The following RAD52 variants were observed in gnomAD, a reference collection of about 807,000 sequenced individuals.
RAD52 encodes the protein RAD52 DNA repair protein, also known as DNA repair protein RAD52 homolog.
A neutral mutation model predicts 55.5 loss-of-function variants in RAD52; 47 were observed. The ratio of observed to expected loss-of-function variants is 0.85; its 90% CI spans 0.67 to 1.08. RAD52 has a LOEUF of 1.08. Ranked by LOEUF, RAD52 falls within the 50% of genes least tolerant of loss-of-function variation. The pLI is 0.00. For synonymous variants in RAD52, 184 were observed against 198.9 expected, an observed-to-expected ratio of 0.92 and a Z score of 0.63; for missense variants, 468 against 522.8, an observed-to-expected ratio of 0.90 and a Z score of 1.02.
chr12:969,471 T>A (rs1299368851), intron 1 of RAD52, among the ~76,000 whole-genome samples: 4 of 151,982 alleles, frequency 2.6e-5, no homozygotes, highest in African/African-American at 9.7e-5. Flanking sequence ...ATTTATTACA[T>A]TTGACCATAG....
chr12:973,779 C>CTT (rs1401411600), intron 1 of RAD52, among the ~76,000 whole-genome samples: 4,358 of 136,478 alleles, frequency 0.032, 89 homozygotes, highest in Non-Finnish European at 0.046. Context: ...ACGCCCAGTC[C>CTT]TTCTTTTTTT....
At chr12:966,936 T>G (rs1390249555) in intron 1 of RAD52, among the ~76,000 whole-genome samples, 36 of 152,090 alleles carry the variant, frequency 2.4e-4, no homozygotes, top group Admixed American at 2.4e-3. Context: ...TTGGCTACAC[T>G]TCCTTATTTT....
chr12:954,004 C>A (rs1269265630), upstream of RAD52, among the ~76,000 whole-genome samples: 1 of 152,168 alleles, frequency 6.6e-6, no homozygotes, highest in African/African-American at 2.4e-5. Context: ...CCTGCCAATT[C>A]TTGACATCAT....
At chr12:940,934 A>G (rs1196616714) in intron 1 of RAD52, among the ~76,000 whole-genome samples, 4 of 152,194 alleles carry the variant, frequency 2.6e-5, no homozygotes, top group Non-Finnish European at 4.4e-5. Context: ...CTCACATACA[A>G]TTGAAGTGAA....
upstream of RAD52, among the ~76,000 whole-genome samples, chr12:950,809 G>A (rs1457628604): frequency 6.6e-6 from 1 of 152,036 alleles, no homozygotes; most frequent in African/African-American, 2.4e-5. Context: ...TCACTATGCT[G>A]TGCAATAAAT....
intron 8 of RAD52, 78 bp from the exon 9 acceptor site, chr12:916,561 G>T: frequency 6.3e-7 from 1 of 1,599,890 alleles, no homozygotes; most frequent in Non-Finnish European, 8.5e-7. Flanking sequence ...CGGCTGGCTG[G>T]CTCTGGAGGC....
chr12:984,264 C>T (rs529571015), intron 1 of RAD52, among the ~76,000 whole-genome samples: 23 of 152,182 alleles, frequency 1.5e-4, no homozygotes, highest in African/African-American at 4.1e-4. Flanking sequence ...CATGCAATCT[C>T]GGCTCACTGC....
chr12:973,433 T>G (rs1958894752), intron 1 of RAD52, among the ~76,000 whole-genome samples: 1 of 151,738 alleles, frequency 6.6e-6, no homozygotes, highest in South Asian at 2.1e-4. Context: ...ATGATACAGA[T>G]GATGAAAGTG....
intron 1 of RAD52, among the ~76,000 whole-genome samples, chr12:956,301 T>C (rs917370695): frequency 6.6e-6 from 1 of 152,198 alleles, no homozygotes; most frequent in African/African-American, 2.4e-5. Flanking sequence ...CGTATAGGCC[T>C]CAGCACTTAG....
chr12:955,688 G>A (rs527502674), intron 1 of RAD52, among the ~76,000 whole-genome samples: 1 of 152,068 alleles, frequency 6.6e-6, no homozygotes, highest in African/African-American at 2.4e-5. Flanking sequence ...TGGCCAGGCT[G>A]GTCTCGAGCT....
intron 9 of RAD52, among the ~76,000 whole-genome samples, chr12:914,766 C>G (rs1798968430): frequency 6.6e-6 from 1 of 152,204 alleles, no homozygotes; most frequent in Non-Finnish European, 1.5e-5. Context: ...AAGTTTCTTT[C>G]TCCTTTCACA....
chr12:965,908 A>ACTC, intron 1 of RAD52, among the ~76,000 whole-genome samples: 1 of 151,846 alleles, frequency 6.6e-6, no homozygotes, highest in Non-Finnish European at 1.5e-5. Context: ...CTGATCTCGA[A>ACTC]CTGCTGACCT....
chr12:972,902 GA>G (rs1958883325), intron 1 of RAD52, among the ~76,000 whole-genome samples: 1 of 152,064 alleles, frequency 6.6e-6, no homozygotes, highest in Non-Finnish European at 1.5e-5. Flanking sequence ...AAGAGTCAAT[GA>G]GGGGGCAAAT....
intron 1 of RAD52, among the ~76,000 whole-genome samples, chr12:970,735 G>A (rs554852059): frequency 6.6e-6 from 1 of 152,306 alleles, no homozygotes; most frequent in African/African-American, 2.4e-5. Context: ...GGAGTAAGTA[G>A]GCGGTCCATG....
At chr12:963,685 T>C (rs1407373734) in intron 1 of RAD52, among the ~76,000 whole-genome samples, 1 of 152,134 alleles carries the variant, frequency 6.6e-6, no homozygotes, top group Non-Finnish European at 1.5e-5. Context: ...ATATTCTAAC[T>C]GTTGGCTTCT....
rs1396395287 is a variant in RAD52, at chr12:979,718, C to A, written c.-19+10091G>T. On this transcript the variant is annotated intron_variant, in intron 1 of 11. Transcript: ENST00000430095. The stretch of plus-strand genomic sequence containing the variant: ...TCTAAAGCTGTGAGAAAATAAATTT[C>A]TGTTATTTAAGCCACCCACTTTGCA... 2.0e-5 allele frequency among the ~76,000 whole-genome samples: 3 copies of A among 152,236 alleles called. No individual in the cohort carries two copies. In the East Asian group the frequency reaches 5.8e-4, roughly 29 times the overall value.
rs1957113794 is a variant in RAD52 at position 927,684 on chromosome 12, G to A, written c.349-421C>T. The stretch of plus-strand genomic sequence containing the variant: ...AGTTCAAGACCAGCCTGGTCAACAT[G>A]GTGAAACCCTATCTCTACTAAAAAT... On this transcript the variant is annotated intron_variant, in intron 5 of 11. Transcript: ENST00000358495. 2.6e-5 allele frequency among the ~76,000 whole-genome samples: 4 copies of A among 152,082 alleles called. 1 individual carries two copies. The South Asian group carries it at 8.3e-4, about 32-fold the overall frequency.
intron 4 of RAD52, 35 bp from the exon 5 acceptor site, chr12:929,921 A>G: frequency 6.3e-7 from 1 of 1,597,242 alleles, no homozygotes; most frequent in South Asian, 1.1e-5. Flanking sequence ...TGAAGAGGAC[A>G]CTGACCGCTG....
At chr12:943,906 A>C (rs1020229362) in intron 1 of RAD52, among the ~76,000 whole-genome samples, 3 of 151,888 alleles carry the variant, frequency 2.0e-5, no homozygotes, top group African/African-American at 7.3e-5. Flanking sequence ...ACGGTTTTCT[A>C]ATTTTGAAAA....
Sources: allele counts gnomAD v4.1 joint callset (sites outside exome capture counted in the v4.1 genomes callset), GRCh38; gene constraint gnomAD v4.1.1; transcripts MANE v1.5; gene names NCBI Gene and HGNC (gene_info 2026-07-23, HGNC 2026-07-21).